CCDC149: variants seen among roughly 807,000 people sequenced by gnomAD.
CCDC149 encodes the protein coiled-coil domain-containing protein 149.
A neutral mutation model predicts 59.9 loss-of-function variants in CCDC149; 45 were observed. That is an observed-to-expected ratio of 0.75 (90% CI 0.59 to 0.96). The LOEUF (loss-of-function observed/expected upper bound fraction) is 0.96, where lower values mean the gene tolerates loss of function less well. Among genes scored for constraint, CCDC149 ranks in the 40% least tolerant of loss-of-function variants. The probability of loss-of-function intolerance (pLI) is 0.00; values close to 1 mark genes in which losing one functional copy is unlikely to be tolerated. For synonymous variants in CCDC149, 245 were observed against 260.6 expected, an observed-to-expected ratio of 0.94 and a Z score of 0.58; for missense variants, 584 against 664.7, an observed-to-expected ratio of 0.88 and a Z score of 1.33.
At chr4:24,814,183 T>A (rs1388880508) in intron 12 of CCDC149, among the ~76,000 whole-genome samples, 2 of 152,258 alleles carry the variant, frequency 1.3e-5, no homozygotes, top group African/African-American at 4.8e-5. Context: ...AAGAATTCAC[T>A]GGCCTCAGTA....
At chr4:24,937,325 C>G (rs534078970) in intron 1 of CCDC149, among the ~76,000 whole-genome samples, 3 of 152,150 alleles carry the variant, frequency 2.0e-5, no homozygotes, top group Non-Finnish European at 4.4e-5. Context: ...AGCATTTATT[C>G]ATGAATTGAG....
At chr4:24,935,032 T>C (rs1722699248) in intron 1 of CCDC149, among the ~76,000 whole-genome samples, 1 of 151,862 alleles carries the variant, frequency 6.6e-6, no homozygotes, top group South Asian at 2.1e-4. Context: ...ATGTAGAAAA[T>C]GGATTAGAGG....
chr4:24,966,303 T>C (rs985051083), intron 1 of CCDC149, among the ~76,000 whole-genome samples: 1 of 152,096 alleles, frequency 6.6e-6, no homozygotes, highest in Admixed American at 6.5e-5. Flanking sequence ...GAAATGGGTA[T>C]GCGGCAGGCT....
Position 24,912,988 on chromosome 4 carries a change from C to CACT in CCDC149, c.-110_-109insAGT. The CACT allele has an allele frequency of 8.8e-6, 3 of 342,696 alleles. 1 individual carries two copies. 21.2% of individuals were successfully genotyped at this position (342,696 alleles called of 1,614,324 possible). ...CCGAGAGGGCCCGGCGCCTCCGAGC[C>CACT]GCTGCGCCGCCGCCTCTCGCGGCCG... On this transcript the variant is annotated 5_prime_UTR_variant, in exon 1 of 13. Coordinates refer to ENST00000635206, the MANE Select transcript of CCDC149 (RefSeq NM_001330643.2).
upstream of CCDC149, among the ~76,000 whole-genome samples, chr4:24,913,198 C>G (rs564459991): frequency 6.6e-6 from 1 of 152,220 alleles, no homozygotes; most frequent in South Asian, 2.1e-4. Flanking sequence ...GCCAGGGTCT[C>G]AGCCTACAGG....
At chr4:24,932,500 G>A (rs1311979217) in intron 1 of CCDC149, among the ~76,000 whole-genome samples, 1 of 152,192 alleles carries the variant, frequency 6.6e-6, no homozygotes, top group African/African-American at 2.4e-5. Flanking sequence ...TTTATATTGT[G>A]TTTGATTTTG....
At chr4:24,822,351 AT>A in intron 10 of CCDC149, 145 bp downstream of exon 10, 1 of 473,938 alleles carries the variant, frequency 2.1e-6, no homozygotes, top group Non-Finnish European at 3.7e-6. Flanking sequence ...ACACTTGTAG[AT>A]TTTTTCAGCA....
At chr4:24,822,318 G>A (rs768654331) in intron 10 of CCDC149, among the ~76,000 whole-genome samples, 179 bp downstream of exon 10, 3 of 151,906 alleles carry the variant, frequency 2.0e-5, no homozygotes, top group Admixed American at 6.6e-5. Flanking sequence ...CCCCCACCCT[G>A]CCATGTAGTT....
At chr4:24,839,092 A>G (rs1306095066) in intron 4 of CCDC149, among the ~76,000 whole-genome samples, 1 of 152,130 alleles carries the variant, frequency 6.6e-6, no homozygotes, top group Admixed American at 6.5e-5. Context: ...AGAGAGAGAA[A>G]GAGAGAAAAT....
At chr4:24,907,847 G>C (rs114429962) in intron 1 of CCDC149, among the ~76,000 whole-genome samples, 2 of 152,136 alleles carry the variant, frequency 1.3e-5, no homozygotes, top group African/African-American at 4.8e-5. Context: ...GGCTCTCAGG[G>C]AGGATTCTTC....
chr4:24,914,385 GAAA>G (rs201825269), upstream of CCDC149, among the ~76,000 whole-genome samples: 514 of 120,220 alleles, frequency 4.3e-3, 3 homozygotes, highest in East Asian at 0.017. Context: ...TGTGTTACCA[GAAA>G]AAAAAAAAAA....
chr4:24,826,934 G>T (rs1715787457), intron 9 of CCDC149: 2 of 152,138 alleles, frequency 1.3e-5, no homozygotes, highest in African/African-American at 4.8e-5. Flanking sequence ...GAGAGGTTTG[G>T]GGTTTTTTTG....
intron 1 of CCDC149, among the ~76,000 whole-genome samples, chr4:24,953,017 C>T (rs1387400174): frequency 1.3e-5 from 2 of 152,074 alleles, no homozygotes; most frequent in African/African-American, 4.8e-5. Flanking sequence ...TGGAATGTGA[C>T]TGACAATACT....
chr4:24,866,016 C>T (rs2109219893), intron 3 of CCDC149, among the ~76,000 whole-genome samples: 2 of 152,286 alleles, frequency 1.3e-5, no homozygotes, highest in East Asian at 1.9e-4. Context: ...TCTCAAAGCA[C>T]TTGAGATCTT....
chr4:24,894,863 G>T, intron 1 of CCDC149: 1 of 1,198,678 alleles, frequency 8.3e-7, no homozygotes, highest in Non-Finnish European at 1.2e-6. Flanking sequence ...TGACACCCCT[G>T]CAGCCTGTGC....
In CCDC149 at chr4:24,929,631, G is replaced by A. The variant is rs190894677; in HGVS notation, c.-64-34513C>T. 2.2e-3 allele frequency among the ~76,000 whole-genome samples: 333 copies of A among 152,146 alleles called. 1 individual carries two copies. The highest frequency in any genetic ancestry group is 7.8e-3 in the African/African-American group (322 of 41,496). On this transcript the variant is annotated intron_variant, in intron 1 of 12. Transcript: ENST00000389609. ...CTCTCCTCTTCTTACACCCTTCACCGCAGTCCAAGTGAATCTCTGACTTTC... is the reference window on the plus strand; with the variant it reads ...CTCTCCTCTTCTTACACCCTTCACCACAGTCCAAGTGAATCTCTGACTTTC...
chr4:24,808,712 G>T lies in CCDC149; in HGVS notation c.1300C>A (p.Arg434Ser). The T allele has an allele frequency of 6.4e-7, 1 of 1,552,270 alleles. No homozygotes were observed. Among genetic ancestry groups the T allele is most frequent in the Non-Finnish European group, 8.7e-7 (1 of 1,147,124 alleles). Residue 434 changes from arginine to serine, a missense_variant, in exon 13 of 13, where the codon CGC becomes AGC. Coordinates refer to ENST00000635206, the MANE Select transcript of CCDC149 (RefSeq NM_001330643.2). ...TGAAAGAGCTTGCATTGGTTCCCGC[G>T]GCTCTGATTTGCTGGGGAGTTGACA...
chr4:24,948,340 G>A (rs1246309428), intron 1 of CCDC149, among the ~76,000 whole-genome samples: 1 of 152,202 alleles, frequency 6.6e-6, no homozygotes. Context: ...AAAGGTTGAT[G>A]CAGAATAACG....
intron 3 of CCDC149, among the ~76,000 whole-genome samples, chr4:24,860,839 T>A (rs921102974): frequency 2.0e-5 from 3 of 152,036 alleles, no homozygotes; most frequent in African/African-American, 7.2e-5. Flanking sequence ...GACAAACATA[T>A]GAAAAAATGC....
Sources: allele counts gnomAD v4.1 joint callset (sites outside exome capture counted in the v4.1 genomes callset), GRCh38; gene constraint gnomAD v4.1.1; transcripts MANE v1.5; gene names NCBI Gene and HGNC (gene_info 2026-07-23, HGNC 2026-07-21).